Variants in CEP170 observed in about 807,000 individuals in gnomAD.
CEP170 encodes centrosomal protein 170.
In CEP170, 21 loss-of-function variants were observed where a neutral mutation model predicts 151.9. That is an observed-to-expected ratio of 0.14 (90% CI 0.10 to 0.20). The LOEUF (loss-of-function observed/expected upper bound fraction) is 0.20. CEP170 is among the 10% of genes least tolerant of loss of function. CEP170 has a pLI of 1.00. For synonymous variants in CEP170, 356 were observed against 648.8 expected, an observed-to-expected ratio of 0.55 and a Z score of 6.86; for missense variants, 964 against 1,892.9, an observed-to-expected ratio of 0.51 and a Z score of 9.11.
In CEP170 at chr1:243,242,827, G is replaced by A. The variant is rs1412690897; in HGVS notation, c.-42+12213C>T. 2.6e-5 allele frequency among the ~76,000 whole-genome samples: 4 copies of A among 152,028 alleles called. No homozygotes were observed. The East Asian group carries it at 5.9e-4, about 22-fold the overall frequency. On this transcript the variant is annotated intron_variant, in intron 1 of 19. Transcript: ENST00000366542. ...GCAATTCTCCTACCTCAGCCTCCCAGGTAGCCAGGATTACAGGCATGCGCC... is the reference window on the plus strand; with the variant it reads ...GCAATTCTCCTACCTCAGCCTCCCAAGTAGCCAGGATTACAGGCATGCGCC...
At chr1:243,242,159 G>A (rs140850273) in intron 1 of CEP170, among the ~76,000 whole-genome samples, 4 of 152,198 alleles carry the variant, frequency 2.6e-5, no homozygotes, top group East Asian at 1.9e-4. Flanking sequence ...GGCAGAGGAC[G>A]TTAATTTGGA....
intron 1 of CEP170, among the ~76,000 whole-genome samples, chr1:243,251,752 TC>T (rs2065958963): frequency 6.6e-6 from 1 of 152,194 alleles, no homozygotes; most frequent in Non-Finnish European, 1.5e-5. Flanking sequence ...CTTTTCCACT[TC>T]TATACTTTCT....
intron 14 of CEP170, among the ~76,000 whole-genome samples, chr1:243,147,100 C>T (rs1228378264): frequency 6.6e-6 from 1 of 152,112 alleles, no homozygotes; most frequent in African/African-American, 2.4e-5. Context: ...AGACAGTATT[C>T]TTATTACTAC....
At chr1:243,136,291 T>C (rs560247063) in intron 16 of CEP170, 60 bp from the exon 17 acceptor site, 1 of 1,162,726 alleles carries the variant, frequency 8.6e-7, no homozygotes, top group Admixed American at 2.7e-5. Flanking sequence ...GTATAACTAC[T>C]GAGATCACTA....
chr1:243,240,742 G>C (rs935624077), intron 1 of CEP170, among the ~76,000 whole-genome samples: 1 of 151,798 alleles, frequency 6.6e-6, no homozygotes. Flanking sequence ...GCCCAGACTG[G>C]AGTGCAATGG....
At chr1:243,149,138 T>C (rs1411351868) in intron 14 of CEP170, among the ~76,000 whole-genome samples, 3 of 146,890 alleles carry the variant, frequency 2.0e-5, no homozygotes, top group Non-Finnish European at 3.0e-5. Flanking sequence ...TCGCTACAGA[T>C]AAGTTACATT....
chr1:243,168,377 T>C (rs1481025054), intron 12 of CEP170: 1 of 152,014 alleles, frequency 6.6e-6, no homozygotes, highest in Non-Finnish European at 1.5e-5. Flanking sequence ...ACATACAAAA[T>C]CTCATTGAGG....
intron 1 of CEP170, among the ~76,000 whole-genome samples, chr1:243,244,285 G>C (rs2149150449): frequency 6.6e-6 from 1 of 151,832 alleles, no homozygotes; most frequent in South Asian, 2.1e-4. Context: ...CTGTACATTT[G>C]AGAATTTTCA....
intron 13 of CEP170, among the ~76,000 whole-genome samples, chr1:243,161,300 T>C (rs3015154): frequency 7.3e-6 from 1 of 136,702 alleles, no homozygotes. Flanking sequence ...CAAGAGTCCG[T>C]CTCAAAAAAA....
At chr1:243,144,217 G>T (rs1369431292) in intron 14 of CEP170, among the ~76,000 whole-genome samples, 1 of 152,160 alleles carries the variant, frequency 6.6e-6, no homozygotes, top group Non-Finnish European at 1.5e-5. Flanking sequence ...TTATAAAGCA[G>T]CTTCATAGTC....
At chr1:243,222,026 C>A (rs748702187) in intron 2 of CEP170, among the ~76,000 whole-genome samples, 9 of 152,172 alleles carry the variant, frequency 5.9e-5, no homozygotes, top group Non-Finnish European at 1.2e-4. Context: ...TAAAGATATT[C>A]TTTTCTACTA....
intron 15 of CEP170, among the ~76,000 whole-genome samples, chr1:243,141,889 CTG>C (rs974688096): frequency 1.8e-4 from 28 of 152,266 alleles, no homozygotes; most frequent in African/African-American, 5.3e-4. Context: ...AGCAGTGAAA[CTG>C]TAGGATTTTT....
intron 7 of CEP170, among the ~76,000 whole-genome samples, chr1:243,193,106 TA>T (rs1453134060): frequency 6.6e-6 from 1 of 152,140 alleles, no homozygotes; most frequent in Admixed American, 6.6e-5. Flanking sequence ...AATGTTTGAT[TA>T]AAGAGTTAAT....
At chr1:243,226,882 G>C (rs542464379) in intron 1 of CEP170, among the ~76,000 whole-genome samples, 2 of 152,108 alleles carry the variant, frequency 1.3e-5, no homozygotes, top group Non-Finnish European at 2.9e-5. Flanking sequence ...CCAGCTACTC[G>C]GGAGGGTGAG....
intron 1 of CEP170, among the ~76,000 whole-genome samples, chr1:243,239,051 T>C (rs374268769): frequency 6.6e-6 from 1 of 152,240 alleles, no homozygotes; most frequent in East Asian, 1.9e-4. Flanking sequence ...GGGCTTCCAA[T>C]ATTGCTTATT....
intron 7 of CEP170, among the ~76,000 whole-genome samples, chr1:243,195,085 A>G (rs1427617598): frequency 6.6e-6 from 1 of 151,974 alleles, no homozygotes; most frequent in African/African-American, 2.4e-5. Flanking sequence ...TAATTATAAC[A>G]GCTCATTCTG....
intron 17 of CEP170, among the ~76,000 whole-genome samples, chr1:243,135,072 C>G (rs1406205644): frequency 6.6e-6 from 1 of 152,044 alleles, no homozygotes; most frequent in Non-Finnish European, 1.5e-5. Context: ...TAAAAAGCTA[C>G]ACATTTTAAA....
chr1:243,161,667 T>C (rs966860568), intron 13 of CEP170, among the ~76,000 whole-genome samples: 1 of 151,958 alleles, frequency 6.6e-6, no homozygotes. Flanking sequence ...ATCTAAAATA[T>C]GGAATTGGAA....
chr1:243,146,988 C>CCTAACCAGT (rs1293577495), intron 14 of CEP170, among the ~76,000 whole-genome samples: 4 of 151,348 alleles, frequency 2.6e-5, no homozygotes, highest in African/African-American at 7.3e-5. Context: ...GTGAATCCCC[C>CCTAACCAGT]ATCTAGAGGC....
Sources: allele counts gnomAD v4.1 joint callset (sites outside exome capture counted in the v4.1 genomes callset), GRCh38; gene constraint gnomAD v4.1.1; transcripts MANE v1.5; gene names NCBI Gene and HGNC (gene_info 2026-07-23, HGNC 2026-07-21).